Variants in LSG1 observed in about 807,000 individuals in gnomAD.
The protein encoded by LSG1 is large 60S subunit nuclear export GTPase 1, also known as large subunit GTPase 1 homolog.
Under a neutral mutation model 82.6 loss-of-function variants are expected in LSG1, and 55 were observed. The observed-to-expected ratio is 0.67, with a 90% CI of 0.54 to 0.83. LSG1 has a LOEUF of 0.83. LSG1 is among the 40% of genes least tolerant of loss of function. The probability of loss-of-function intolerance (pLI) is 0.00; values close to 1 mark genes in which losing one functional copy is unlikely to be tolerated. For synonymous variants in LSG1, 272 were observed against 282.5 expected (o/e 0.96, Z 0.37); for missense variants, 809 against 807.9 (o/e 1.00, Z -0.02).
intron 11 of LSG1, among the ~76,000 whole-genome samples, chr3:194,648,017 C>G (rs1006463602): frequency 6.6e-6 from 1 of 151,894 alleles, no homozygotes; most frequent in Admixed American, 6.6e-5. Flanking sequence ...CCTTCCCAAC[C>G]AGCAGCAATC....
chr3:194,662,345 G>A lies in LSG1; in HGVS notation c.522-2212C>T, dbSNP rs569392669. ...GGCACAGGGAAAATGGGAAAGAGTT[G>A]CCATAGGGCAAAAAGGGGAATTCAG... On this transcript the variant is annotated intron_variant, in intron 5 of 13. Coordinates refer to ENST00000265245, the MANE Select transcript of LSG1 (RefSeq NM_018385.3). Among the ~76,000 whole-genome samples, 43 of 152,224 alleles carry A rather than the reference G, an allele frequency of 2.8e-4. 1 individual carries two copies. The highest frequency in any genetic ancestry group is 5.9e-4 in the Non-Finnish European group (40 of 68,042).
At chr3:194,656,115 CA>C in intron 7 of LSG1, among the ~76,000 whole-genome samples, 1 of 151,862 alleles carries the variant, frequency 6.6e-6, no homozygotes, top group Non-Finnish European at 1.5e-5. Context: ...TCTAAAACAC[CA>C]AAAGCAATGG....
At position 194,646,146 on chromosome 3, in the gene LSG1, G is replaced by A. The variant is rs368672518; in HGVS notation, c.1623+18C>T. On this transcript the variant is annotated intron_variant, in intron 12 of 13. Coordinates refer to ENST00000265245, the MANE Select transcript of LSG1 (RefSeq NM_018385.3). Reference sequence around the variant, plus strand: ...AAGACTTGTGTATTGGAGAGCATGAGAGGCAGGGTTCACTTACACTGACAT... The same window carrying A: ...AAGACTTGTGTATTGGAGAGCATGAAAGGCAGGGTTCACTTACACTGACAT... The A allele has an allele frequency of 7.4e-6, 12 of 1,612,450 alleles. No individual in the cohort carries two copies. Among genetic ancestry groups the A allele is most frequent in the African/African-American group, 2.7e-5 (2 of 74,892 alleles).
At chr3:194,645,575 G>GACACACACACACACACACACACACACAC in intron 12 of LSG1, among the ~76,000 whole-genome samples, 1 of 20,138 alleles carries the variant, frequency 5.0e-5, no homozygotes, top group Non-Finnish European at 1.3e-4. Flanking sequence ...CACACAGACA[G>GACACACACACACACACACACACACACAC]ACACACACAC....
chr3:194,645,541 C>CAG (rs1560219678), intron 12 of LSG1: 11 of 40,772 alleles, frequency 2.7e-4, no homozygotes, highest in Admixed American at 8.1e-4. Flanking sequence ...GACAGACACA[C>CAG]ACACACACAC....
intron 5 of LSG1, 87 bp downstream of exon 5, chr3:194,665,470 C>A: frequency 1.2e-6 from 1 of 861,260 alleles, no homozygotes; most frequent in South Asian, 1.6e-5. Flanking sequence ...ATTCCCATAC[C>A]CTGAGCCTAT....
intron 5 of LSG1, among the ~76,000 whole-genome samples, chr3:194,662,935 G>T (rs1395824358): frequency 6.6e-6 from 1 of 152,142 alleles, no homozygotes; most frequent in Admixed American, 6.5e-5. Flanking sequence ...CTTGTCAACC[G>T]GCTTTGTAAT....
intron 8 of LSG1, 90 bp downstream of exon 8, chr3:194,652,639 C>T: frequency 7.1e-7 from 1 of 1,404,140 alleles, no homozygotes; most frequent in East Asian, 2.3e-5. Flanking sequence ...ATGCCGGAAG[C>T]CTGGTTGGTC....
chr3:194,655,566 G>A (rs1718773837), intron 7 of LSG1, among the ~76,000 whole-genome samples: 1 of 152,004 alleles, frequency 6.6e-6, no homozygotes, highest in Admixed American at 6.6e-5. Flanking sequence ...TTAGAATAGT[G>A]GTGTCTGGTA....
At chr3:194,645,937 G>A (rs2108615258) in intron 12 of LSG1, among the ~76,000 whole-genome samples, 1 of 152,312 alleles carries the variant, frequency 6.6e-6, no homozygotes, top group Non-Finnish European at 1.5e-5. Context: ...GACAAAAAAA[G>A]CCAGATGCAT....
intron 5 of LSG1, chr3:194,661,029 C>T (rs953584975): frequency 2.9e-6 from 1 of 350,758 alleles, no homozygotes; most frequent in African/African-American, 2.1e-5. Context: ...GCAGAGTCTC[C>T]CCAAAATCCT....
chr3:194,666,511 C>G lies in LSG1; in HGVS notation c.288G>C (p.Glu96Asp). 6.2e-7 allele frequency: 1 copy of G among 1,613,828 alleles called. No individual in the cohort carries two copies. The highest frequency in any genetic ancestry group is 2.2e-5 in the East Asian group (1 of 44,856). The change falls in exon 3 of 14, where the codon GAG (glutamate) becomes GAC (aspartate). Residue 96 changes from glutamate to aspartate, a missense_variant. By Grantham distance (45) the Glu-to-Asp change is conservative (BLOSUM62 2). Transcript: ENST00000265245. ...CATGGAGCTTCTTAATTCTCTGGCTCTCCTCGAAAGACAGTAGTCCAGTTC... is the reference window on the plus strand; with the variant it reads ...CATGGAGCTTCTTAATTCTCTGGCTGTCCTCGAAAGACAGTAGTCCAGTTC... The part of the protein sequence containing the change: ...EARTGLLSFE[E>D]SQRIKKLHEE...
Position 194,652,789 on chromosome 3 carries a change from C to T in LSG1, c.1113G>A (p.Glu371=). ...SHLVSKQELL[E]LFKELHTGRK... ...TCCCAGTGTGTAGCTCCTTAAAGAG[C>T]TCCAGTAACTCCTGCTTGGATACCA... The change falls in exon 8 of 14, where the codon GAG becomes GAA. Residue 371 remains glutamate, a synonymous_variant. Transcript: ENST00000265245. The T allele has an allele frequency of 1.2e-6, 2 of 1,614,204 alleles. No individual in the cohort carries two copies. The highest frequency in any genetic ancestry group is 2.2e-5 in the East Asian group (1 of 44,872).
intron 2 of LSG1, among the ~76,000 whole-genome samples, chr3:194,669,188 A>C (rs1287124039): frequency 6.6e-6 from 1 of 152,224 alleles, no homozygotes; most frequent in African/African-American, 2.4e-5. Context: ...AAGACAGTAT[A>C]TATCTTGTTC....
At chr3:194,662,898 T>C (rs1447620408) in intron 5 of LSG1, among the ~76,000 whole-genome samples, 1 of 152,212 alleles carries the variant, frequency 6.6e-6, no homozygotes, top group East Asian at 1.9e-4. Context: ...AGCTCACCAG[T>C]TGGCAAATTC....
intron 7 of LSG1, among the ~76,000 whole-genome samples, chr3:194,658,203 A>G (rs996908933): frequency 6.6e-6 from 1 of 152,096 alleles, no homozygotes; most frequent in Non-Finnish European, 1.5e-5. Context: ...GCTGGAGTGC[A>G]CTGGCATGAT....
rs1344655511 is a variant in LSG1 at position 194,641,769 on chromosome 3, AC to A, written c.*298del. On this transcript the variant is annotated 3_prime_UTR_variant, in exon 14 of 14. Transcript: ENST00000265245. Reference sequence around the variant, plus strand: ...GCTGGGATTACAGGTGCGCGCCACCACGCCTGGCTAATTTTTTTGTATTTTT... The same window carrying A: ...GCTGGGATTACAGGTGCGCGCCACCAGCCTGGCTAATTTTTTTGTATTTTT... 6 of 217,200 alleles carry A rather than the reference AC, an allele frequency of 2.8e-5. No individual in the cohort carries two copies. The highest frequency in any genetic ancestry group is 4.5e-5 in the Non-Finnish European group (5 of 110,628). The allele number at this position is 217,200 out of a possible 1,614,324, so 13.5% of individuals were successfully genotyped here.
chr3:194,648,174 T>A (rs529480165), intron 11 of LSG1, among the ~76,000 whole-genome samples: 3 of 151,326 alleles, frequency 2.0e-5, no homozygotes, highest in Non-Finnish European at 4.4e-5. Flanking sequence ...CCACGTGGAA[T>A]TGGGATAAAA....
chr3:194,652,601 G>A (rs1391927432), intron 8 of LSG1, 128 bp downstream of exon 8: 3 of 976,464 alleles, frequency 3.1e-6, no homozygotes, highest in Non-Finnish European at 4.6e-6. Flanking sequence ...TGATGCCAGT[G>A]GGCAACAAGA....
Sources: allele counts gnomAD v4.1 joint callset (sites outside exome capture counted in the v4.1 genomes callset), GRCh38; gene constraint gnomAD v4.1.1; transcripts MANE v1.5; gene names NCBI Gene and HGNC (gene_info 2026-07-23, HGNC 2026-07-21).